SLC44A1: variants seen among roughly 807,000 people sequenced by gnomAD.
The protein encoded by SLC44A1 is solute carrier family 44 member 1.
A neutral mutation model predicts 79.3 loss-of-function variants in SLC44A1; 26 were observed. That is an observed-to-expected ratio of 0.33 (90% CI 0.24 to 0.46). The LOEUF (loss-of-function observed/expected upper bound fraction) is 0.46, where lower values mean the gene tolerates loss of function less well. Ranked by LOEUF, SLC44A1 falls within the 20% of genes least tolerant of loss-of-function variation. The pLI is 1.00. For missense variants in SLC44A1, 688 were observed against 798.1 expected, an observed-to-expected ratio of 0.86 and a Z score of 1.66; for synonymous variants, 263 against 286.2, an observed-to-expected ratio of 0.92 and a Z score of 0.82.
intron 3 of SLC44A1, among the ~76,000 whole-genome samples, chr9:105,330,522 T>C (rs1412711698): frequency 6.6e-6 from 1 of 152,224 alleles, no homozygotes; most frequent in African/African-American, 2.4e-5. Context: ...TGGCATCATA[T>C]CATTCATTTT....
chr9:105,323,185 C>T (rs1278538819), intron 3 of SLC44A1, among the ~76,000 whole-genome samples: 1 of 135,764 alleles, frequency 7.4e-6, no homozygotes, highest in East Asian at 2.1e-4. Flanking sequence ...CATTGCACTA[C>T]AGCCTGGGCA....
chr9:105,379,084 G>A (rs1217328858), intron 13 of SLC44A1, among the ~76,000 whole-genome samples: 1 of 152,184 alleles, frequency 6.6e-6, no homozygotes, highest in Non-Finnish European at 1.5e-5. Flanking sequence ...AGACCAGCTT[G>A]AACAACATGG....
At position 105,392,387 on chromosome 9, in the gene SLC44A1, C is replaced by G; in HGVS notation, c.*3331C>G. The G allele has an allele frequency of 3.8e-6, 3 of 786,296 alleles. No homozygotes were observed. Among genetic ancestry groups the G allele is most frequent in the Non-Finnish European group, 4.5e-6 (3 of 670,372 alleles). 48.7% of individuals were successfully genotyped at this position (786,296 alleles called of 1,614,324 possible). A position where few individuals can be genotyped will look rare whatever the true frequency, so the allele number is the denominator to read the frequency against. On this transcript the variant is annotated 3_prime_UTR_variant, in exon 16 of 16. Transcript: ENST00000374720. Reference sequence around the variant, plus strand: ...GAAATGTTTTTCTTTTGTAGAGATGCTCTCTCTCTCTCTCTCTTTTTTTTT... The same window carrying G: ...GAAATGTTTTTCTTTTGTAGAGATGGTCTCTCTCTCTCTCTCTTTTTTTTT...
intron 4 of SLC44A1, among the ~76,000 whole-genome samples, chr9:105,337,720 G>A (rs929003099): frequency 5.3e-5 from 8 of 152,096 alleles, no homozygotes; most frequent in African/African-American, 1.7e-4. Context: ...TGTGAGTCTT[G>A]GTCCCTTGAA....
chr9:105,272,962 CAT>C (rs3030588), intron 1 of SLC44A1, among the ~76,000 whole-genome samples: 20,544 of 148,516 alleles, frequency 0.14, 1,831 homozygotes, highest in African/African-American at 0.25. Context: ...AATTTTCTTT[CAT>C]ATATATATAT....
intron 13 of SLC44A1, among the ~76,000 whole-genome samples, chr9:105,376,442 C>T (rs1009772052): frequency 1.3e-5 from 2 of 149,998 alleles, no homozygotes; most frequent in Non-Finnish European, 2.9e-5. Context: ...GGCACAATTT[C>T]GGCTCACTGC....
At chr9:105,403,826 T>C (rs1335724154) in intron 15 of SLC44A1, among the ~76,000 whole-genome samples, 1 of 143,898 alleles carries the variant, frequency 6.9e-6, no homozygotes, top group Non-Finnish European at 1.5e-5. Context: ...GAATCTGTAC[T>C]GAAGTGTAGG....
In SLC44A1 at chr9:105,299,221, G is replaced by A. The variant is rs771293225; in HGVS notation, c.38G>A (p.Ser13Asn). ...CTCTTATTTTGTATTTCCAATTAGAGCTCCAAACGAGAATGGAAGCCGCTG... is the reference window on the plus strand; with the variant it reads ...CTCTTATTTTGTATTTCCAATTAGAACTCCAAACGAGAATGGAAGCCGCTG... ...CCSSASSAAQ[S>N]SKREWKPLED... is the part of the protein sequence containing the mutation. Residue 13 changes from serine to asparagine, a missense_variant and splice_region_variant, in exon 2 of 16, where the codon AGC (serine) becomes AAC (asparagine). By Grantham distance (46) the Ser-to-Asn change is conservative (BLOSUM62 1). Transcript: ENST00000374720. The A allele has an allele frequency of 1.1e-5, 18 of 1,585,956 alleles. No homozygotes were observed. Among genetic ancestry groups the A allele is most frequent in the Non-Finnish European group, 1.5e-5 (17 of 1,169,742 alleles).
At chr9:105,288,799 CT>C (rs1830535832) in intron 1 of SLC44A1, among the ~76,000 whole-genome samples, 1 of 152,166 alleles carries the variant, frequency 6.6e-6, no homozygotes. Context: ...AGTATCCTAA[CT>C]ATGAATTCTT....
Position 105,389,986 on chromosome 9 carries a change from T to G in SLC44A1, c.*930T>G, listed in dbSNP as rs937748190. The G allele has an allele frequency of 6.9e-7, 1 of 1,453,304 alleles. No individual in the cohort carries two copies. The highest frequency in any genetic ancestry group is 2.9e-5 in the Admixed American group (1 of 35,040). The allele number at this position is 1,453,304 out of a possible 1,614,324, so 90.0% of individuals were successfully genotyped here. On this transcript the variant is annotated 3_prime_UTR_variant, in exon 16 of 16. Transcript: ENST00000374720. ...AAAATTCCGGTGCTTGGGCTTCGGC[T>G]TCAGAGTAACGTCAGTGGCTTAGGG...
At chr9:105,300,557 A>G (rs1216090940) in intron 2 of SLC44A1, among the ~76,000 whole-genome samples, 2 of 152,206 alleles carry the variant, frequency 1.3e-5, no homozygotes, top group East Asian at 3.8e-4. Context: ...AAAGAAAGCA[A>G]TACATTTTAA....
At chr9:105,285,302 T>G (rs954755926) in intron 1 of SLC44A1, among the ~76,000 whole-genome samples, 1 of 152,232 alleles carries the variant, frequency 6.6e-6, no homozygotes, top group African/African-American at 2.4e-5. Context: ...TTCTGCCTGT[T>G]AAATATCACT....
At chr9:105,437,784 T>G (rs1002395753) in intron 15 of SLC44A1, among the ~76,000 whole-genome samples, 1 of 152,182 alleles carries the variant, frequency 6.6e-6, no homozygotes. Flanking sequence ...CATTTCAGGT[T>G]TTGGTCTTTG....
intron 3 of SLC44A1, among the ~76,000 whole-genome samples, chr9:105,316,302 G>A (rs917348281): frequency 1.3e-5 from 2 of 152,228 alleles, no homozygotes; most frequent in African/African-American, 2.4e-5. Flanking sequence ...GTCCTGGCCC[G>A]GTCTTAGATA....
intron 3 of SLC44A1, among the ~76,000 whole-genome samples, chr9:105,317,534 A>G (rs1167975722): frequency 6.6e-6 from 1 of 152,016 alleles, no homozygotes; most frequent in Non-Finnish European, 1.5e-5. Context: ...AGGTGACTAG[A>G]TGGTTATGAG....
At chr9:105,314,296 G>C (rs1831261192) in intron 3 of SLC44A1, among the ~76,000 whole-genome samples, 1 of 152,182 alleles carries the variant, frequency 6.6e-6, no homozygotes, top group Admixed American at 6.5e-5. Flanking sequence ...CCTGAGATGG[G>C]AGAAGATATG....
At chr9:105,334,384 CCTT>C (rs386737211) in intron 3 of SLC44A1, among the ~76,000 whole-genome samples, 227 of 150,610 alleles carry the variant, frequency 1.5e-3, no homozygotes, top group Middle Eastern at 0.01. Flanking sequence ...ATTTTTTTTT[CCTT>C]TATAGTTTCC....
Position 105,275,205 on chromosome 9 carries a change from G to A in SLC44A1, c.37-24015G>A, listed in dbSNP as rs74425369. Among the ~76,000 whole-genome samples, 224 of 152,228 alleles carry A rather than the reference G, an allele frequency of 1.5e-3. 1 individual carries two copies. Among genetic ancestry groups the A allele is most frequent in the Admixed American group, 0.011 (168 of 15,294 alleles). On this transcript the variant is annotated intron_variant, in intron 1 of 15. Coordinates refer to ENST00000374720, the MANE Select transcript of SLC44A1 (RefSeq NM_080546.5). ...ATACAACCGTAGCATGTATTAGGGA[G>A]GCCTATCTCAATTTGTTGTAATGCT... is the stretch of plus-strand genomic sequence containing the variant.
intron 4 of SLC44A1, 141 bp downstream of exon 4, chr9:105,335,840 T>A: frequency 1.2e-6 from 1 of 830,150 alleles, no homozygotes; most frequent in Non-Finnish European, 1.8e-6. Flanking sequence ...AAAAATATTA[T>A]AGTCACCCAG....
Sources: gnomAD v4.1 joint callset for allele counts (sites outside exome capture counted in the v4.1 genomes callset) on GRCh38, gnomAD v4.1.1 for gene constraint, MANE v1.5 for transcripts, NCBI Gene and HGNC (gene_info 2026-07-23, HGNC 2026-07-21) for gene names.